Variants in IGF1R observed in about 807,000 individuals in gnomAD.
The protein encoded by IGF1R is insulin-like growth factor 1 receptor.
A neutral mutation model predicts 144.6 loss-of-function variants in IGF1R; 44 were observed. The ratio of observed to expected loss-of-function variants is 0.30; its 90% CI spans 0.24 to 0.39. IGF1R has a LOEUF of 0.39. Ranked by LOEUF, IGF1R falls within the 10% of genes least tolerant of loss-of-function variation. IGF1R has a pLI of 1.00. For synonymous variants in IGF1R, 795 were observed against 722.8 expected (o/e 1.10, Z -1.60); for missense variants, 1,355 against 1,833.7 (o/e 0.74, Z 4.77).
At chr15:98,929,266 G>C (rs552149205) in intron 13 of IGF1R, among the ~76,000 whole-genome samples, 1 of 152,062 alleles carries the variant, frequency 6.6e-6, no homozygotes, top group Non-Finnish European at 1.5e-5. Flanking sequence ...ATTAAACTGC[G>C]TACAAAGATT....
intron 1 of IGF1R, among the ~76,000 whole-genome samples, chr15:98,687,491 G>C (rs1017186542): frequency 3.3e-5 from 5 of 152,246 alleles, no homozygotes; most frequent in African/African-American, 1.2e-4. Context: ...AAATCACAGA[G>C]TCTTAGGCCA....
rs1477511324 is a variant in IGF1R at position 98,939,315 on chromosome 15, G to T, written c.3412G>T (p.Ala1138Ser). Reference sequence around the variant, plus strand: ...TAAGTTCGTCCACAGAGACCTTGCTGCCCGGAATTGCATGGTAGCCGAAGA... The same window carrying T: ...TAAGTTCGTCCACAGAGACCTTGCTTCCCGGAATTGCATGGTAGCCGAAGA... ...ANKFVHRDLA[A>S]RNCMVAEDFT... Residue 1138 changes from alanine to serine, a missense_variant, in exon 18 of 21, where the codon GCC (alanine) becomes TCC (serine). Physicochemically the swap from Ala to Ser is moderately conservative, Grantham distance 99 (BLOSUM62 1). Coordinates refer to ENST00000650285, the MANE Select transcript of IGF1R (RefSeq NM_000875.5). 1 of 1,614,158 alleles carries T rather than the reference G, an allele frequency of 6.2e-7. No homozygotes were observed. Among genetic ancestry groups the T allele is most frequent in the South Asian group, 1.1e-5 (1 of 91,070 alleles).
chr15:98,762,287 G>A (rs868835046), intron 2 of IGF1R, among the ~76,000 whole-genome samples: 44 of 145,236 alleles, frequency 3.0e-4, no homozygotes, highest in African/African-American at 1.1e-3. Context: ...GCCCAGGCTG[G>A]AGTGCACTGG....
intron 2 of IGF1R, among the ~76,000 whole-genome samples, chr15:98,778,411 A>G (rs929293009): frequency 1.3e-5 from 2 of 152,112 alleles, no homozygotes; most frequent in Non-Finnish European, 2.9e-5. Flanking sequence ...TCTGTTATTC[A>G]TGTCATTTTG....
intron 10 of IGF1R, 78 bp downstream of exon 10, chr15:98,916,954 A>G (rs1479306653): frequency 1.6e-6 from 2 of 1,243,168 alleles, no homozygotes; most frequent in Non-Finnish European, 2.4e-6. Context: ...CCCACCAGGT[A>G]GTGTGTAAGT....
At chr15:98,842,349 T>A (rs1463383479) in intron 2 of IGF1R, among the ~76,000 whole-genome samples, 1 of 152,134 alleles carries the variant, frequency 6.6e-6, no homozygotes, top group Non-Finnish European at 1.5e-5. Flanking sequence ...CCTATAGAGG[T>A]CAAGGCAGTG....
intron 2 of IGF1R, among the ~76,000 whole-genome samples, chr15:98,782,036 C>G (rs1006642537): frequency 3.9e-5 from 6 of 152,062 alleles, no homozygotes; most frequent in Non-Finnish European, 1.5e-5. Flanking sequence ...CTGTGTTGCC[C>G]TGTCTGCTTG....
intron 2 of IGF1R, among the ~76,000 whole-genome samples, chr15:98,850,038 T>G (rs1333660783): frequency 6.6e-6 from 1 of 152,246 alleles, no homozygotes; most frequent in Non-Finnish European, 1.5e-5. Context: ...AGGGGGCATT[T>G]ACCCCATAGA....
At chr15:98,792,442 C>T (rs2056148212) in intron 2 of IGF1R, among the ~76,000 whole-genome samples, 1 of 152,138 alleles carries the variant, frequency 6.6e-6, no homozygotes, top group Admixed American at 6.5e-5. Context: ...GCAAAATCTT[C>T]CTATTTTTAA....
chr15:98,680,547 T>A (rs1454471790), intron 1 of IGF1R, among the ~76,000 whole-genome samples: 1 of 151,962 alleles, frequency 6.6e-6, no homozygotes, highest in Non-Finnish European at 1.5e-5. Flanking sequence ...ATTACAGGCG[T>A]GAGCCACCGC....
At chr15:98,914,639 A>C (rs908873375) in intron 8 of IGF1R, among the ~76,000 whole-genome samples, 4 of 152,218 alleles carry the variant, frequency 2.6e-5, no homozygotes, top group African/African-American at 9.6e-5. Context: ...CCAGCAATTC[A>C]CTGTAGTGTT....
intron 1 of IGF1R, among the ~76,000 whole-genome samples, chr15:98,688,852 C>A (rs993698234): frequency 2.6e-5 from 4 of 152,024 alleles, no homozygotes; most frequent in African/African-American, 9.7e-5. Context: ...GATTCAGGAC[C>A]TAAAAAATAA....
At chr15:98,655,332 C>CT (rs1389416840) in intron 1 of IGF1R, among the ~76,000 whole-genome samples, 3 of 152,236 alleles carry the variant, frequency 2.0e-5, no homozygotes, top group East Asian at 3.9e-4. Flanking sequence ...CTTTTGAAGA[C>CT]TAAGTTTTTA....
intron 2 of IGF1R, among the ~76,000 whole-genome samples, chr15:98,800,005 A>T (rs2056328175): frequency 6.6e-6 from 1 of 152,084 alleles, no homozygotes; most frequent in Non-Finnish European, 1.5e-5. Flanking sequence ...TTGTATTAAA[A>T]CCATTCCTGG....
At chr15:98,909,838 C>T (rs1041732559) in intron 6 of IGF1R, among the ~76,000 whole-genome samples, 2 of 152,200 alleles carry the variant, frequency 1.3e-5, no homozygotes, top group East Asian at 3.8e-4. Context: ...TTTAAGGTCT[C>T]ATATCAGAGA....
intron 5 of IGF1R, among the ~76,000 whole-genome samples, chr15:98,901,695 A>G (rs1018352069): frequency 2.6e-5 from 4 of 152,220 alleles, no homozygotes; most frequent in African/African-American, 9.7e-5. Flanking sequence ...AAAGAAAGAA[A>G]TGTGCCCTAG....
At position 98,957,794 on chromosome 15, in the gene IGF1R, G is replaced by A. The variant is rs183939661; in HGVS notation, c.*352G>A. Reference sequence around the variant, plus strand: ...TTCTCTCTCCTCTCTGCTTCATAACGGAAAAATAATTGCCACAAGTCCAGC... The same window carrying A: ...TTCTCTCTCCTCTCTGCTTCATAACAGAAAAATAATTGCCACAAGTCCAGC... On this transcript the variant is annotated 3_prime_UTR_variant, in exon 21 of 21. Coordinates refer to ENST00000650285, the MANE Select transcript of IGF1R (RefSeq NM_000875.5). The A allele has an allele frequency of 5.6e-4, 196 of 349,682 alleles. No individual in the cohort carries two copies. The highest frequency in any genetic ancestry group is 3.8e-3 in the African/African-American group (183 of 48,632). The allele number at this position is 349,682 out of a possible 1,614,324, so 21.7% of individuals were successfully genotyped here.
At chr15:98,902,732 A>T (rs1161471265) in intron 5 of IGF1R, among the ~76,000 whole-genome samples, 1 of 152,138 alleles carries the variant, frequency 6.6e-6, no homozygotes, top group Non-Finnish European at 1.5e-5. Flanking sequence ...CTTCTTTTAT[A>T]GCCAGTGATA....
At chr15:98,769,283 G>A (rs2055523386) in intron 2 of IGF1R, among the ~76,000 whole-genome samples, 1 of 152,138 alleles carries the variant, frequency 6.6e-6, no homozygotes, top group Non-Finnish European at 1.5e-5. Flanking sequence ...GTGTTTTGTT[G>A]CTTAAGTCGC....
Sources: gnomAD v4.1 joint callset for allele counts (sites outside exome capture counted in the v4.1 genomes callset) on GRCh38, gnomAD v4.1.1 for gene constraint, MANE v1.5 for transcripts, NCBI Gene and HGNC (gene_info 2026-07-23, HGNC 2026-07-21) for gene names.